KCND3: variants seen among roughly 807,000 people sequenced by gnomAD.
KCND3 encodes the protein potassium voltage-gated channel subfamily D member 3, also known as A-type voltage-gated potassium channel KCND3.
KCND3 carries 9 observed loss-of-function variants against 51.1 expected under a neutral mutation model. The ratio of observed to expected loss-of-function variants is 0.18; its 90% CI spans 0.11 to 0.31. The LOEUF (loss-of-function observed/expected upper bound fraction) is 0.31, where lower values mean the gene tolerates loss of function less well. Ranked by LOEUF, KCND3 falls within the 10% of genes least tolerant of loss-of-function variation. KCND3 has a pLI of 1.00. For missense variants in KCND3, 526 were observed against 903.8 expected (o/e 0.58, Z 5.36); for synonymous variants, 349 against 368.0 (o/e 0.95, Z 0.59).
At chr1:111,848,566 C>T (rs759953592) in intron 2 of KCND3, among the ~76,000 whole-genome samples, 3 of 152,184 alleles carry the variant, frequency 2.0e-5, no homozygotes, top group Non-Finnish European at 2.9e-5. Context: ...CCTCAGAAAC[C>T]GTGGACTCCA....
At chr1:111,844,958 A>G (rs963141436) in intron 2 of KCND3, among the ~76,000 whole-genome samples, 5 of 152,228 alleles carry the variant, frequency 3.3e-5, no homozygotes, top group African/African-American at 1.2e-4. Context: ...CTTCAAGACA[A>G]ACACACCTCT....
chr1:111,807,224 CA>C (rs1272510782), intron 2 of KCND3, among the ~76,000 whole-genome samples: 2 of 152,188 alleles, frequency 1.3e-5, no homozygotes, highest in African/African-American at 4.8e-5. Flanking sequence ...TATAGTCATG[CA>C]TGTCATAATG....
chr1:111,823,676 C>T (rs1666449195), intron 2 of KCND3, among the ~76,000 whole-genome samples: 1 of 152,178 alleles, frequency 6.6e-6, no homozygotes, highest in Non-Finnish European at 1.5e-5. Context: ...TTTGTGACTA[C>T]CACTCATTTG....
chr1:111,811,945 G>C (rs1438168888), intron 2 of KCND3, among the ~76,000 whole-genome samples: 1 of 152,196 alleles, frequency 6.6e-6, no homozygotes, highest in Non-Finnish European at 1.5e-5. Flanking sequence ...GTTAGGGACA[G>C]CGCAGAGTGG....
chr1:111,844,463 C>T (rs915450677), intron 2 of KCND3, among the ~76,000 whole-genome samples: 3 of 152,178 alleles, frequency 2.0e-5, no homozygotes, highest in African/African-American at 7.2e-5. Context: ...AGAACCTTGG[C>T]ATCTGCTGTC....
intron 2 of KCND3, among the ~76,000 whole-genome samples, chr1:111,975,332 G>T (rs964691491): frequency 6.6e-5 from 10 of 152,144 alleles, no homozygotes; most frequent in African/African-American, 2.4e-4. Flanking sequence ...CTTGTGAAAT[G>T]CTTCTCCCAG....
At chr1:111,958,119 G>A (rs1673430983) in intron 2 of KCND3, among the ~76,000 whole-genome samples, 1 of 152,146 alleles carries the variant, frequency 6.6e-6, no homozygotes, top group African/African-American at 2.4e-5. Context: ...TAGCAGCCTG[G>A]AGACAGGCTG....
chr1:111,832,227 G>A (rs1666864956), intron 2 of KCND3, among the ~76,000 whole-genome samples: 1 of 152,192 alleles, frequency 6.6e-6, no homozygotes, highest in Non-Finnish European at 1.5e-5. Flanking sequence ...TCTTTAAAAG[G>A]TGGGGTGCAT....
At chr1:111,899,430 C>T (rs1465181787) in intron 2 of KCND3, among the ~76,000 whole-genome samples, 1 of 152,214 alleles carries the variant, frequency 6.6e-6, no homozygotes, top group Non-Finnish European at 1.5e-5. Flanking sequence ...TGGCCTGAGG[C>T]AGGGACCGGG....
chr1:111,843,669 T>G (rs1186399548), intron 2 of KCND3, among the ~76,000 whole-genome samples: 1 of 152,116 alleles, frequency 6.6e-6, no homozygotes, highest in East Asian at 1.9e-4. Context: ...AAGAAGATAG[T>G]GATAAGGACA....
chr1:111,797,056 G>A (rs918458816), intron 2 of KCND3, among the ~76,000 whole-genome samples: 3 of 152,230 alleles, frequency 2.0e-5, no homozygotes, highest in Non-Finnish European at 4.4e-5. Context: ...TCAAACTTTA[G>A]TGTGCATCAG....
At chr1:111,848,476 C>T (rs1054716849) in intron 2 of KCND3, among the ~76,000 whole-genome samples, 2 of 152,326 alleles carry the variant, frequency 1.3e-5, no homozygotes, top group African/African-American at 2.4e-5. Flanking sequence ...TGCTGATCTC[C>T]ACCCTGAAGT....
At chr1:111,916,548 C>A (rs1211191354) in intron 2 of KCND3, among the ~76,000 whole-genome samples, 1 of 151,912 alleles carries the variant, frequency 6.6e-6, no homozygotes, top group Admixed American at 6.6e-5. Context: ...CTAAAGTATG[C>A]AGAAGGGAAA....
Position 111,772,468 on chromosome 1 carries a change from A to G in KCND3, c.*3609T>C, listed in dbSNP as rs1039320729. ...CATATAAGACTATGTCTCCAATTAC[A>G]GTATGGATTCTTTGATGGATCTTCT... On this transcript the variant is annotated 3_prime_UTR_variant, in exon 8 of 8. Transcript: ENST00000302127. 8.5e-5 allele frequency: 13 copies of G among 152,234 alleles called. No homozygotes were observed. Among genetic ancestry groups the G allele is most frequent in the African/African-American group, 3.1e-4 (13 of 41,458 alleles). The allele number at this position is 152,234 out of a possible 1,614,324, so 9.4% of individuals were successfully genotyped here.
chr1:111,896,065 A>G lies in KCND3; in HGVS notation c.1106+85556T>C, dbSNP rs529806167. Among the ~76,000 whole-genome samples the G allele has an allele frequency of 5.9e-5, 9 of 152,362 alleles. No individual in the cohort carries two copies. In the East Asian group the frequency reaches 1.7e-3, roughly 29 times the overall value. ...GAGCTGACTGCGGGCAACATGCTCC[A>G]CGCGCGTTCATTCACTTCTCTTCAT... is the stretch of plus-strand genomic sequence containing the variant. On this transcript the variant is annotated intron_variant, in intron 2 of 7. Coordinates refer to ENST00000302127, the MANE Select transcript of KCND3 (RefSeq NM_001378969.1).
chr1:111,822,647 G>A (rs1318790189), intron 2 of KCND3, among the ~76,000 whole-genome samples: 1 of 152,198 alleles, frequency 6.6e-6, no homozygotes, highest in Non-Finnish European at 1.5e-5. Context: ...TTTGGCTACT[G>A]TGAATAATGC....
Position 111,862,944 on chromosome 1 carries a change from G to A in KCND3, c.1107-75838C>T, listed in dbSNP as rs115008673. ...TTTGTCCCTACCAGATGGGCAATAC[G>A]TGACCGTTCCCATCTAGGCACCTTG... On this transcript the variant is annotated intron_variant, in intron 2 of 7. Transcript: ENST00000302127. 1.7e-3 allele frequency among the ~76,000 whole-genome samples: 263 copies of A among 152,338 alleles called. 2 individuals are homozygous for A. The highest frequency in any genetic ancestry group is 2.4e-3 in the Non-Finnish European group (162 of 68,032).
At chr1:111,778,626 C>G (rs72548733) in intron 5 of KCND3, 134 bp from the exon 6 acceptor site, 8 of 851,438 alleles carry the variant, frequency 9.4e-6, no homozygotes, top group Non-Finnish European at 1.6e-5. Context: ...CCCCTCATTC[C>G]CAGCATTCTG....
At chr1:111,809,612 GATT>G (rs369367163) in intron 2 of KCND3, among the ~76,000 whole-genome samples, 161 of 152,192 alleles carry the variant, frequency 1.1e-3, no homozygotes, top group Middle Eastern at 3.4e-3. Flanking sequence ...CCAGCCAGAA[GATT>G]ATTTTTCTAG....
Sources: gnomAD v4.1 joint callset for allele counts (sites outside exome capture counted in the v4.1 genomes callset) on GRCh38, gnomAD v4.1.1 for gene constraint, MANE v1.5 for transcripts, NCBI Gene and HGNC (gene_info 2026-07-23, HGNC 2026-07-21) for gene names.